The following OR5AP2 variants were observed in gnomAD, a reference collection of about 807,000 sequenced individuals.
OR5AP2 encodes the protein olfactory receptor 5AP2.
For synonymous variants in OR5AP2, 142 were observed against 140.8 expected (o/e 1.01, Z -0.06); for missense variants, 409 against 378.9 (o/e 1.08, Z -0.66).
rs1278403367 is a variant in OR5AP2 at position 56,641,891 on chromosome 11, G to T, written c.549C>A (p.Phe183Leu). 1.2e-6 allele frequency: 2 copies of T among 1,614,228 alleles called. No individual in the cohort carries two copies. Among genetic ancestry groups the T allele is most frequent in the African/African-American group, 2.7e-5 (2 of 75,068 alleles). ...SFCGSNRINH[F>L]YCDTPPLLKL... ...TGAGCAGTGGCGGGGTGTCACAGTA[G>T]AAATGGTTGATCCTATTAGAACCAC... Residue 183 changes from phenylalanine to leucine, a missense_variant, in exon 1 of 1, where the codon TTC (phenylalanine) becomes TTA (leucine). Physicochemically the swap from Phe to Leu is conservative, Grantham distance 22. Transcript: ENST00000544374.
In OR5AP2 at chr11:56,642,220, AAG is replaced by A. The variant is rs1289309647; in HGVS notation, c.218_219del (p.Ser73PhefsTer21). ...GAAGAAGAGTAAGAGGCATCTACAA[AAG>A]AGAGGCTACTGAGAAAGAAATACAT... is the stretch of plus-strand genomic sequence containing the variant. ...TPMYFFLSSLSFVDASYSSSV... is the reference protein window; with the variant it reads ...TPMYFFLSSLXFVDASYSSSV... On this transcript the variant is annotated frameshift_variant, in exon 1 of 1. Coordinates refer to ENST00000544374, the MANE Select transcript of OR5AP2 (RefSeq NM_001002925.1). LOFTEE classifies it low-confidence loss of function (END_TRUNC). The A allele has an allele frequency of 1.2e-6, 2 of 1,614,052 alleles. No homozygotes were observed. The highest frequency in any genetic ancestry group is 1.7e-6 in the Non-Finnish European group (2 of 1,180,008).
At position 56,641,750 on chromosome 11, in the gene OR5AP2, G is replaced by A. The variant is rs200789672; in HGVS notation, c.690C>T (p.Ala230=). 115 of 1,613,982 alleles carry A rather than the reference G, an allele frequency of 7.1e-5. No individual in the cohort carries two copies. The highest frequency in any genetic ancestry group is 8.4e-5 in the Non-Finnish European group (99 of 1,179,918). The change falls in exon 1 of 1, where the codon GCC becomes GCT. Residue 230 remains alanine (A), a synonymous_variant. Coordinates refer to ENST00000544374, the MANE Select transcript of OR5AP2 (RefSeq NM_001002925.1). ...CCTCTAACGAAGGCATCTTCAAGAC[G>A]GCAATGAAGATACACAGGTAGGAAA... ...VLISYLCIFI[A]VLKMPSLEGR...
rs766297117 is a variant in OR5AP2 at position 56,642,393 on chromosome 11, G to A, written c.47C>T (p.Thr16Ile). The A allele has an allele frequency of 2.5e-6, 4 of 1,605,934 alleles. No homozygotes were observed. The highest frequency in any genetic ancestry group is 2.7e-5 in the African/African-American group (2 of 74,900). The change falls in exon 1 of 1, where the codon ACA becomes ATA. Residue 16 changes from threonine to isoleucine, a missense_variant. Coordinates refer to ENST00000544374, the MANE Select transcript of OR5AP2 (RefSeq NM_001002925.1). ...EVRGRNQTEVTEFLLLGLSDN... is the reference protein window; with the variant it reads ...EVRGRNQTEVIEFLLLGLSDN... ...GGAAAGTCCTAAGAGGAGAAATTCTGTTACTTCTGTTTGATTTCTGCCTCG... is the reference window on the plus strand; with the variant it reads ...GGAAAGTCCTAAGAGGAGAAATTCTATTACTTCTGTTTGATTTCTGCCTCG...
In OR5AP2 at chr11:56,641,931, A is replaced by G; in HGVS notation, c.509T>C (p.Phe170Ser). The G allele has an allele frequency of 6.2e-7, 1 of 1,614,216 alleles. No homozygotes were observed. The highest frequency in any genetic ancestry group is 8.5e-7 in the Non-Finnish European group (1 of 1,180,026). ...GNAAIHTGMT[F>S]RLSFCGSNRI... ...ATTAGAACCACAAAAGGACAACCTA[A>G]AAGTCATCCCTGTATGTATGGCTGC... Residue 170 changes from phenylalanine (F) to serine (S), a missense_variant, in exon 1 of 1, where the codon TTT (phenylalanine) becomes TCT (serine). Phe to Ser is a radical substitution (Grantham distance 155). Transcript: ENST00000544374.
rs1486617293 is a variant in OR5AP2, at chr11:56,641,689, G to A, written c.751C>T (p.Leu251Phe). 2 of 1,614,162 alleles carry A rather than the reference G, an allele frequency of 1.2e-6. No homozygotes were observed. The highest frequency in any genetic ancestry group is 2.2e-5 in the East Asian group (1 of 44,874). ...HKAFSTCASY[L>F]MAVTIFFGTI... is the part of the protein sequence containing the mutation. ...CCAAAGAATATGGTGACAGCCATGA[G>A]GTAAGAGGCACAGGTGGAGAAGGCT... The change falls in exon 1 of 1, where the codon CTC (leucine) becomes TTC (phenylalanine). Residue 251 changes from leucine (L) to phenylalanine (F), a missense_variant. Physicochemically the swap from Leu to Phe is conservative, Grantham distance 22. Coordinates refer to ENST00000544374, the MANE Select transcript of OR5AP2 (RefSeq NM_001002925.1).
chr11:56,641,838 T>C lies in OR5AP2; in HGVS notation c.602A>G (p.Asn201Ser), dbSNP rs1205365149. The C allele has an allele frequency of 1.2e-6, 2 of 1,614,102 alleles. No individual in the cohort carries two copies. Among genetic ancestry groups the C allele is most frequent in the Admixed American group, 3.3e-5 (2 of 60,012 alleles). Residue 201 changes from asparagine to serine, a missense_variant, in exon 1 of 1, where the codon AAT (asparagine) becomes AGT (serine). Coordinates refer to ENST00000544374, the MANE Select transcript of OR5AP2 (RefSeq NM_001002925.1). ...LKLSCSDTHFNGIVIMAFSSF... is the reference protein window; with the variant it reads ...LKLSCSDTHFSGIVIMAFSSF... ...TGAGAATGCCATGATCACAATGCCA[T>C]TGAAGTGGGTATCAGAGCAAGAGAG...
Position 56,641,876 on chromosome 11 carries a change from CG to C in OR5AP2, c.563del (p.Pro188ArgfsTer17). ...CAGAGCAAGAGAGTTTGAGCAGTGG[CG>C]GGGTGTCACAGTAGAAATGGTTGAT... ...NRINHFYCDT[P>X]PLLKLSCSDT... On this transcript the variant is annotated frameshift_variant, in exon 1 of 1. Transcript: ENST00000544374. LOFTEE classifies it low-confidence loss of function (END_TRUNC). The C allele has an allele frequency of 6.2e-7, 1 of 1,614,150 alleles. No homozygotes were observed. Among genetic ancestry groups the C allele is most frequent in the East Asian group, 2.2e-5 (1 of 44,886 alleles).
chr11:56,642,252 G>T lies in OR5AP2; in HGVS notation c.188C>A (p.Thr63Asn), dbSNP rs150244497. ...VLIKIDLCLHTPMYFFLSSLS... is the reference protein window; with the variant it reads ...VLIKIDLCLHNPMYFFLSSLS... ...GCTACTGAGAAAGAAATACATGGGG[G>T]TGTGGAGACAGAGATCAATCTTAAT... is the stretch of plus-strand genomic sequence containing the variant. The change falls in exon 1 of 1, where the codon ACC becomes AAC. Residue 63 changes from threonine to asparagine, a missense_variant. Transcript: ENST00000544374. 1.9e-6 allele frequency: 3 copies of T among 1,614,164 alleles called. No homozygotes were observed. The East Asian group carries it at 6.7e-5, about 36-fold the overall frequency.
Position 56,641,830 on chromosome 11 carries a change from C to A in OR5AP2, c.610G>T (p.Val204Leu), listed in dbSNP as rs201356711. The change falls in exon 1 of 1, where the codon GTG (valine) becomes TTG (leucine). Residue 204 changes from valine (V) to leucine (L), a missense_variant. Transcript: ENST00000544374. Reference protein sequence around the residue: ...SCSDTHFNGIVIMAFSSFIVI... With the variant: ...SCSDTHFNGILIMAFSSFIVI... ...ATAAAACTTGAGAATGCCATGATCA[C>A]AATGCCATTGAAGTGGGTATCAGAG... The A allele has an allele frequency of 1.2e-4, 192 of 1,613,984 alleles. No individual in the cohort carries two copies. The highest frequency in any genetic ancestry group is 1.5e-4 in the Non-Finnish European group (182 of 1,179,966).
chr11:56,641,866 TGA>T lies in OR5AP2; in HGVS notation c.572_573del (p.Leu191GlnfsTer6), dbSNP rs1565031489. 1 of 1,614,220 alleles carries T rather than the reference TGA, an allele frequency of 6.2e-7. No individual in the cohort carries two copies. Among genetic ancestry groups the T allele is most frequent in the Non-Finnish European group, 8.5e-7 (1 of 1,180,028 alleles). On this transcript the variant is annotated frameshift_variant, in exon 1 of 1. Coordinates refer to ENST00000544374, the MANE Select transcript of OR5AP2 (RefSeq NM_001002925.1). LOFTEE classifies it low-confidence loss of function (END_TRUNC). ...NHFYCDTPPL[L>X]KLSCSDTHFN... ...AAGTGGGTATCAGAGCAAGAGAGTT[TGA>T]GCAGTGGCGGGGTGTCACAGTAGAA...
Position 56,642,062 on chromosome 11 carries a change from A to T in OR5AP2, c.378T>A (p.Tyr126Ter). 2 of 1,614,144 alleles carry T rather than the reference A, an allele frequency of 1.2e-6. No homozygotes were observed. The highest frequency in any genetic ancestry group is 1.7e-6 in the Non-Finnish European group (2 of 1,180,018). The change falls in exon 1 of 1, where the codon TAT becomes TAA. Residue 126 changes from tyrosine (Y) to a stop codon, truncating the protein, a stop_gained. Coordinates refer to ENST00000544374, the MANE Select transcript of OR5AP2 (RefSeq NM_001002925.1). LOFTEE classifies it low-confidence loss of function (END_TRUNC). ...GGTTCCAAATGGCTGCATAGCGGTC[A>T]TATGCCATCATGGCCAACAGGAAGC... Reference protein sequence around the residue: ...TECFLLAMMAYDRYAAIWNPL... With the variant: ...TECFLLAMMA
In OR5AP2 at chr11:56,642,196, A is replaced by C. The variant is rs757373997; in HGVS notation, c.244T>G (p.Ser82Ala). 1.9e-6 allele frequency: 3 copies of C among 1,614,078 alleles called. No homozygotes were observed. In the South Asian group the frequency reaches 3.3e-5, roughly 18 times the overall value. ...TTCACCAGCATCTTGGGAGTGACGG[A>C]AGAAGAGTAAGAGGCATCTACAAAA... ...LSFVDASYSS[S>A]VTPKMLVNLM... Residue 82 changes from serine to alanine, a missense_variant, in exon 1 of 1, where the codon TCC becomes GCC. By Grantham distance (99) the Ser-to-Ala change is moderately conservative. Coordinates refer to ENST00000544374, the MANE Select transcript of OR5AP2 (RefSeq NM_001002925.1).
Position 56,641,882 on chromosome 11 carries a change from G to A in OR5AP2, c.558C>T (p.Asp186=), listed in dbSNP as rs1857008569. The A allele has an allele frequency of 1.2e-6, 2 of 1,614,112 alleles. No homozygotes were observed. Among genetic ancestry groups the A allele is most frequent in the Non-Finnish European group, 1.7e-6 (2 of 1,180,050 alleles). ...AAGAGAGTTTGAGCAGTGGCGGGGT[G>A]TCACAGTAGAAATGGTTGATCCTAT... ...GSNRINHFYC[D]TPPLLKLSCS... is the part of the protein sequence containing the mutation. The change falls in exon 1 of 1, where the codon GAC becomes GAT. Residue 186 remains aspartate (D), a synonymous_variant. Coordinates refer to ENST00000544374, the MANE Select transcript of OR5AP2 (RefSeq NM_001002925.1).
In OR5AP2 at chr11:56,641,563, G is replaced by A; in HGVS notation, c.877C>T (p.Pro293Ser). 6.2e-7 allele frequency: 1 copy of A among 1,613,354 alleles called. No homozygotes were observed. ...FYTVIIPVLN[P>S]LIYSLKNKDV... ...TTATTTTTTAAACTATAGATGAGGG[G>A]ATTTAGCACAGGGATTATTACTGTA... The change falls in exon 1 of 1, where the codon CCC (proline) becomes TCC (serine). Residue 293 changes from proline (P) to serine (S), a missense_variant. By Grantham distance (74) the Pro-to-Ser change is moderately conservative (BLOSUM62 -1). Transcript: ENST00000544374.
Position 56,641,881 on chromosome 11 carries a change from T to A in OR5AP2, c.559A>T (p.Thr187Ser). The A allele has an allele frequency of 6.2e-7, 1 of 1,613,002 alleles. No individual in the cohort carries two copies. The highest frequency in any genetic ancestry group is 8.5e-7 in the Non-Finnish European group (1 of 1,179,396). The part of the protein sequence containing the change: ...SNRINHFYCD[T>S]PPLLKLSCSD... ...CAAGAGAGTTTGAGCAGTGGCGGGG[T>A]GTCACAGTAGAAATGGTTGATCCTA... The change falls in exon 1 of 1, where the codon ACC (threonine) becomes TCC (serine). Residue 187 changes from threonine to serine, a missense_variant. Physicochemically the swap from Thr to Ser is moderately conservative, Grantham distance 58. Coordinates refer to ENST00000544374, the MANE Select transcript of OR5AP2 (RefSeq NM_001002925.1).
Position 56,642,127 on chromosome 11 carries a change from C to T in OR5AP2, c.313G>A (p.Ala105Thr), listed in dbSNP as rs11606499. 210,237 of 1,613,824 alleles carry T rather than the reference C, an allele frequency of 0.13. 15,465 individuals carry two copies. The highest frequency in any genetic ancestry group is 0.27 in the African/African-American group (20,335 of 74,960). Residue 105 changes from alanine (A) to threonine (T), a missense_variant, in exon 1 of 1, where the codon GCC (alanine) becomes ACC (threonine). Ala to Thr is a moderately conservative substitution (Grantham distance 58, BLOSUM62 0). Transcript: ENST00000544374. ...NKAISFHGCA[A>T]QFYFFGSFLG... is the part of the protein sequence containing the mutation. Reference sequence around the variant, plus strand: ...AAGGAGCCAAAGAAGTAGAACTGGGCAGCACATCCATGAAAAGAAATGGCC... The same window carrying T: ...AAGGAGCCAAAGAAGTAGAACTGGGTAGCACATCCATGAAAAGAAATGGCC...
In OR5AP2 at chr11:56,642,265, G is replaced by T. The variant is rs753242836; in HGVS notation, c.175C>A (p.Leu59Ile). 1.1e-5 allele frequency: 17 copies of T among 1,614,178 alleles called. No individual in the cohort carries two copies. Among genetic ancestry groups the T allele is most frequent in the Non-Finnish European group, 1.4e-5 (17 of 1,180,038 alleles). ...LGMIVLIKID[L>I]CLHTPMYFFL... ...AAATACATGGGGGTGTGGAGACAGA[G>T]ATCAATCTTAATCAATACAATCATC... The change falls in exon 1 of 1, where the codon CTC becomes ATC. Residue 59 changes from leucine (L) to isoleucine (I), a missense_variant. Transcript: ENST00000544374.
Position 56,641,867 on chromosome 11 carries a change from G to C in OR5AP2, c.573C>G (p.Leu191=). The C allele has an allele frequency of 6.2e-7, 1 of 1,614,220 alleles. No homozygotes were observed. Among genetic ancestry groups the C allele is most frequent in the Non-Finnish European group, 8.5e-7 (1 of 1,180,020 alleles). The change falls in exon 1 of 1, where the codon CTC becomes CTG. Residue 191 remains leucine (L), a synonymous_variant. Transcript: ENST00000544374. Reference sequence around the variant, plus strand: ...AGTGGGTATCAGAGCAAGAGAGTTTGAGCAGTGGCGGGGTGTCACAGTAGA... The same window carrying C: ...AGTGGGTATCAGAGCAAGAGAGTTTCAGCAGTGGCGGGGTGTCACAGTAGA... ...NHFYCDTPPL[L]KLSCSDTHFN...
chr11:56,641,859 G>A lies in OR5AP2; in HGVS notation c.581C>T (p.Ser194Phe), dbSNP rs1354965777. 14 of 1,614,120 alleles carry A rather than the reference G, an allele frequency of 8.7e-6. No homozygotes were observed. The highest frequency in any genetic ancestry group is 1.1e-5 in the Non-Finnish European group (13 of 1,180,040). Reference sequence around the variant, plus strand: ...GCCATTGAAGTGGGTATCAGAGCAAGAGAGTTTGAGCAGTGGCGGGGTGTC... The same window carrying A: ...GCCATTGAAGTGGGTATCAGAGCAAAAGAGTTTGAGCAGTGGCGGGGTGTC... ...YCDTPPLLKL[S>F]CSDTHFNGIV... The change falls in exon 1 of 1, where the codon TCT becomes TTT. Residue 194 changes from serine (S) to phenylalanine (F), a missense_variant. Coordinates refer to ENST00000544374, the MANE Select transcript of OR5AP2 (RefSeq NM_001002925.1).
Sources: allele counts gnomAD v4.1 joint callset, GRCh38; gene constraint gnomAD v4.1.1; transcripts MANE v1.5; gene names NCBI Gene and HGNC (gene_info 2026-07-23, HGNC 2026-07-21).